Variants in FMN1 observed in about 807,000 individuals in gnomAD.
FMN1 encodes formin 1.
FMN1 carries 110 observed loss-of-function variants against 132.4 expected under a neutral mutation model. The observed-to-expected ratio is 0.83, with a 90% confidence interval of 0.71 to 0.97. The LOEUF (loss-of-function observed/expected upper bound fraction) is 0.97, where lower values mean the gene tolerates loss of function less well. Among genes scored for constraint, FMN1 ranks in the 50% least tolerant of loss-of-function variants. The pLI, the probability that FMN1 is intolerant of heterozygous loss-of-function variation, is 0.00. For synonymous variants in FMN1, 722 were observed against 651.7 expected, an observed-to-expected ratio of 1.11 and a Z score of -1.64; for missense variants, 1,792 against 1,705.3, an observed-to-expected ratio of 1.05 and a Z score of -0.90.
intron 6 of FMN1, among the ~76,000 whole-genome samples, chr15:33,034,008 G>T (rs1453377818): frequency 6.6e-6 from 1 of 152,028 alleles, no homozygotes; most frequent in African/African-American, 2.4e-5. Context: ...CAGGTCCCCT[G>T]GGTCAGTCCT....
At chr15:32,853,145 T>A (rs915895137) in intron 17 of FMN1, among the ~76,000 whole-genome samples, 1 of 152,238 alleles carries the variant, frequency 6.6e-6, no homozygotes, top group African/African-American at 2.4e-5. Context: ...CCCATGGTAT[T>A]TAGCAGATAG....
intron 16 of FMN1, chr15:32,860,958 T>A (rs1271266723): frequency 2.0e-5 from 3 of 152,194 alleles, no homozygotes; most frequent in African/African-American, 7.2e-5. Context: ...AGGAAAGACA[T>A]CTGTTTTAAG....
At position 33,057,724 on chromosome 15, in the gene FMN1, T is replaced by C. The variant is rs111652762; in HGVS notation, c.2161+7233A>G. On this transcript the variant is annotated intron_variant, in intron 6 of 20. Coordinates refer to ENST00000616417, the MANE Select transcript of FMN1 (RefSeq NM_001277313.2). ...ATTTTCTACCTTTCTCATCTCATGTTCTCACCCCTTCATCAAGTGCTTCCC... is the reference window on the plus strand; with the variant it reads ...ATTTTCTACCTTTCTCATCTCATGTCCTCACCCCTTCATCAAGTGCTTCCC... Among the ~76,000 whole-genome samples the C allele has an allele frequency of 6.8e-3, 1,036 of 152,316 alleles. 10 individuals carry two copies. Among genetic ancestry groups the C allele is most frequent in the African/African-American group, 0.023 (960 of 41,568 alleles).
At chr15:32,846,344 C>T (rs754720644) in intron 17 of FMN1, among the ~76,000 whole-genome samples, 59 of 152,212 alleles carry the variant, frequency 3.9e-4, no homozygotes, top group Non-Finnish European at 5.3e-4. Flanking sequence ...TGACAAAGGC[C>T]TAGTATCCAG....
intron 6 of FMN1, among the ~76,000 whole-genome samples, chr15:33,052,771 T>C (rs928203298): frequency 6.6e-6 from 1 of 152,232 alleles, no homozygotes; most frequent in Non-Finnish European, 1.5e-5. Flanking sequence ...TCCCATTTGA[T>C]GCGTTTTCCT....
chr15:32,917,757 A>C (rs4780058), intron 10 of FMN1, among the ~76,000 whole-genome samples: 24,426 of 152,178 alleles, frequency 0.16, 2,482 homozygotes, highest in East Asian at 0.28. Context: ...TTCCACTTAA[A>C]ATCCTTACCA....
chr15:32,884,277 C>G (rs2059842050), intron 16 of FMN1, among the ~76,000 whole-genome samples: 1 of 152,172 alleles, frequency 6.6e-6, no homozygotes, highest in Non-Finnish European at 1.5e-5. Flanking sequence ...TTTAGAGGCT[C>G]TAGGGAGAAT....
chr15:33,082,889 C>A (rs345793), intron 5 of FMN1, among the ~76,000 whole-genome samples: 2,815 of 151,998 alleles, frequency 0.019, 76 homozygotes, highest in African/African-American at 0.059. Flanking sequence ...TTAAAAAAAA[C>A]CAAAAAATTT....
intron 16 of FMN1, among the ~76,000 whole-genome samples, chr15:32,865,909 G>A (rs1193151555): frequency 6.6e-6 from 1 of 151,294 alleles, no homozygotes; most frequent in Non-Finnish European, 1.5e-5. Flanking sequence ...AGAAATACAA[G>A]TAAAGCATTT....
chr15:32,887,536 A>G (rs144956731), intron 16 of FMN1, among the ~76,000 whole-genome samples: 2 of 152,368 alleles, frequency 1.3e-5, no homozygotes, highest in Non-Finnish European at 2.9e-5. Context: ...AAATTAAACT[A>G]AAATGGAATG....
At chr15:33,193,126 C>A (rs1966135842) in intron 2 of FMN1, among the ~76,000 whole-genome samples, 1 of 152,124 alleles carries the variant, frequency 6.6e-6, no homozygotes, top group Non-Finnish European at 1.5e-5. Context: ...TGCTCCTGGA[C>A]TGTAACACAG....
rs1363380069 is a variant in FMN1 at position 32,773,090 on chromosome 15, A to C, written c.*1220T>G. 1 of 152,200 alleles carries C rather than the reference A, an allele frequency of 6.6e-6. No homozygotes were observed. Among genetic ancestry groups the C allele is most frequent in the African/African-American group, 2.4e-5 (1 of 41,448 alleles). 9.4% of individuals were successfully genotyped at this position (152,200 alleles called of 1,614,324 possible). A position where few individuals can be genotyped will look rare whatever the true frequency, so the allele number is the denominator to read the frequency against. ...TCACAAGATTTCAGAGACGTGGCTT[A>C]AAGACAAAAGTGTCAGAGAGGTCAA... On this transcript the variant is annotated 3_prime_UTR_variant, in exon 21 of 21. Transcript: ENST00000616417.
chr15:32,848,981 T>TTTTG lies in FMN1; in HGVS notation c.3928+8033_3928+8034insCAAA, dbSNP rs1555472038. On this transcript the variant is annotated intron_variant, in intron 17 of 20. Transcript: ENST00000616417. ...GTCTTGGGTTAGTTCTCTTTTGTTT[T>TTTTG]TTTTTTTTTTTTTTTTTTCAGAGAC... 2.3e-4 allele frequency among the ~76,000 whole-genome samples: 27 copies of TTTTG among 115,488 alleles called. 1 individual carries two copies. Among genetic ancestry groups the TTTTG allele is most frequent in the East Asian group, 1.3e-3 (6 of 4,550 alleles). 75.8% of individuals were successfully genotyped at this position (115,488 alleles called of 152,430 possible).
chr15:32,975,216 G>T (rs1278317133), intron 7 of FMN1, among the ~76,000 whole-genome samples: 2 of 152,050 alleles, frequency 1.3e-5, no homozygotes, highest in Non-Finnish European at 2.9e-5. Context: ...AACATTCTAG[G>T]TTCATGTTGC....
chr15:32,768,937 C>T lies in FMN1; in HGVS notation c.*5373G>A, dbSNP rs1249725863. Reference sequence around the variant, plus strand: ...ATATAAAGTCTGGAGTTCACATGAGCTCTTGACTGAAGGACACGATCCTAT... The same window carrying T: ...ATATAAAGTCTGGAGTTCACATGAGTTCTTGACTGAAGGACACGATCCTAT... On this transcript the variant is annotated 3_prime_UTR_variant, in exon 21 of 21. Coordinates refer to ENST00000616417, the MANE Select transcript of FMN1 (RefSeq NM_001277313.2). The T allele has an allele frequency of 2.0e-5, 3 of 152,176 alleles. No homozygotes were observed. The highest frequency in any genetic ancestry group is 4.4e-5 in the Non-Finnish European group (3 of 68,048). The allele number at this position is 152,176 out of a possible 1,614,324, so 9.4% of individuals were successfully genotyped here.
intron 2 of FMN1, among the ~76,000 whole-genome samples, chr15:33,189,485 C>T (rs929499304): frequency 1.3e-5 from 2 of 152,178 alleles, no homozygotes; most frequent in African/African-American, 2.4e-5. Flanking sequence ...GCAACTCTTG[C>T]TTTTCACTAT....
chr15:32,841,777 C>G (rs544716852), intron 17 of FMN1, among the ~76,000 whole-genome samples: 1 of 152,298 alleles, frequency 6.6e-6, no homozygotes, highest in African/African-American at 2.4e-5. Flanking sequence ...ACCATCCATC[C>G]TGAAGGAGTT....
intron 4 of FMN1, among the ~76,000 whole-genome samples, chr15:33,148,234 A>G (rs1384784069): frequency 3.3e-5 from 5 of 152,206 alleles, no homozygotes; most frequent in Non-Finnish European, 7.3e-5. Context: ...AATAAATCGG[A>G]GGGAAAAAAC....
intron 6 of FMN1, among the ~76,000 whole-genome samples, chr15:33,033,311 T>A (rs1392967527): frequency 6.6e-6 from 1 of 152,244 alleles, no homozygotes; most frequent in Non-Finnish European, 1.5e-5. Flanking sequence ...ATTACAGGCG[T>A]GAGCCACCAC....
Sources: allele counts gnomAD v4.1 joint callset (sites outside exome capture counted in the v4.1 genomes callset), GRCh38; gene constraint gnomAD v4.1.1; transcripts MANE v1.5; gene names NCBI Gene and HGNC (gene_info 2026-07-23, HGNC 2026-07-21).